The following IGF2R variants were observed in gnomAD, a reference collection of about 807,000 sequenced individuals.
The protein encoded by IGF2R is insulin like growth factor 2 receptor.
Under a neutral mutation model 270.6 loss-of-function variants are expected in IGF2R, and 91 were observed. That is an observed-to-expected ratio of 0.34 (90% CI 0.28 to 0.40). The LOEUF is 0.40. IGF2R is among the 10% of genes least tolerant of loss of function. The pLI, the probability that IGF2R is intolerant of heterozygous loss-of-function variation, is 1.00. For synonymous variants in IGF2R, 1,316 were observed against 1,258.9 expected (o/e 1.05, Z -0.96); for missense variants, 2,805 against 3,188.3 (o/e 0.88, Z 2.90).
At chr6:160,017,717 A>G (rs1777338881) in intron 4 of IGF2R, among the ~76,000 whole-genome samples, 2 of 151,712 alleles carry the variant, frequency 1.3e-5, no homozygotes, top group African/African-American at 4.8e-5. Flanking sequence ...GTGCTTAAGG[A>G]AAAAAAATCT....
At chr6:160,001,279 G>A (rs1004025513) in intron 2 of IGF2R, among the ~76,000 whole-genome samples, 1 of 152,034 alleles carries the variant, frequency 6.6e-6, no homozygotes, top group East Asian at 1.9e-4. Flanking sequence ...ATTGTGAACT[G>A]CACATGCAAG....
At chr6:160,034,607 G>A in intron 10 of IGF2R, 85 bp downstream of exon 10, 1 of 889,076 alleles carries the variant, frequency 1.1e-6, no homozygotes, top group Admixed American at 1.8e-5. Context: ...TCTTGGAAGT[G>A]AACACTGAAT....
chr6:160,010,817 G>A, intron 4 of IGF2R, 32 bp downstream of exon 4: 1 of 1,236,900 alleles, frequency 8.1e-7, no homozygotes, highest in Non-Finnish European at 1.2e-6. Context: ...ACATGCTTAT[G>A]AAGTATACTC....
rs1339237700 is a variant in IGF2R at position 160,108,998 on chromosome 6, A to T, written c.*3914A>T. On this transcript the variant is annotated 3_prime_UTR_variant, in exon 48 of 48. Transcript: ENST00000356956. ...GCCCAGCCAGGTCTTTTTCTTAAAG[A>T]GGGACAGACTGAAGGTAGGCTGTGA... The T allele has an allele frequency of 6.6e-6, 1 of 152,258 alleles. No individual in the cohort carries two copies. Among genetic ancestry groups the T allele is most frequent in the Non-Finnish European group, 1.5e-5 (1 of 68,066 alleles). The allele number at this position is 152,258 out of a possible 1,614,324, so 9.4% of individuals were successfully genotyped here.
At chr6:160,070,466 C>T (rs1778694337) in intron 31 of IGF2R, among the ~76,000 whole-genome samples, 1 of 152,212 alleles carries the variant, frequency 6.6e-6, no homozygotes, top group Non-Finnish European at 1.5e-5. Flanking sequence ...CTCAGGTAGT[C>T]TGCCCTGCTC....
At chr6:160,052,966 A>T (rs1426643543) in intron 19 of IGF2R, among the ~76,000 whole-genome samples, 1 of 152,226 alleles carries the variant, frequency 6.6e-6, no homozygotes, top group Non-Finnish European at 1.5e-5. Flanking sequence ...TTAGACCTAA[A>T]ACCATAAAAA....
rs767397262 is a variant in IGF2R at position 160,047,873 on chromosome 6, G to C, written c.2311G>C (p.Asp771His). The change falls in exon 17 of 48, where the codon GAC (aspartate) becomes CAC (histidine). Residue 771 changes from aspartate (D) to histidine (H), a missense_variant. By Grantham distance (81) the Asp-to-His change is moderately conservative (BLOSUM62 -1). Transcript: ENST00000356956. Reference protein sequence around the residue: ...PEEPLECVVTDPSTLEQYDLS... With the variant: ...PEEPLECVVTHPSTLEQYDLS... ...GGAGCCCCTGGAATGCGTAGTGACC[G>C]ACCCCTCCACGCTGGAGCAGTACGA... 1.2e-6 allele frequency: 2 copies of C among 1,613,656 alleles called. No homozygotes were observed. Among genetic ancestry groups the C allele is most frequent in the East Asian group, 4.5e-5 (2 of 44,884 alleles).
chr6:160,039,839 A>T (rs1206583569), intron 10 of IGF2R, among the ~76,000 whole-genome samples: 2 of 152,048 alleles, frequency 1.3e-5, no homozygotes, highest in Non-Finnish European at 2.9e-5. Flanking sequence ...GCCTGTGAAG[A>T]GCTGGTTTTC....
At chr6:159,975,701 T>TAA (rs1554234056) in intron 1 of IGF2R, among the ~76,000 whole-genome samples, 4 of 146,648 alleles carry the variant, frequency 2.7e-5, no homozygotes, top group East Asian at 2.0e-4. Context: ...TATATATATA[T>TAA]AAAGTATATG....
chr6:159,971,963 C>T (rs1308012619), intron 1 of IGF2R, among the ~76,000 whole-genome samples: 1 of 152,154 alleles, frequency 6.6e-6, no homozygotes, highest in Non-Finnish European at 1.5e-5. Context: ...GGTTTATGTT[C>T]CTGTTTTAAA....
At position 160,089,150 on chromosome 6, in the gene IGF2R, C is replaced by A; in HGVS notation, c.6364C>A (p.Arg2122=). 1 of 1,614,080 alleles carries A rather than the reference C, an allele frequency of 6.2e-7. No homozygotes were observed. The highest frequency in any genetic ancestry group is 8.5e-7 in the Non-Finnish European group (1 of 1,179,964). ...SCTYYFSWDS[R]AACAVKPQEV... ...CACTTACTACTTCAGCTGGGACTCC[C>A]GGGCTGCCTGCGCCGTGAAGCCTCA... Residue 2122 remains arginine (R), a synonymous_variant, in exon 43 of 48, where the codon CGG becomes AGG. Transcript: ENST00000356956.
intron 4 of IGF2R, among the ~76,000 whole-genome samples, chr6:160,022,430 G>C (rs1562346556): frequency 6.6e-6 from 1 of 152,082 alleles, no homozygotes; most frequent in Non-Finnish European, 1.5e-5. Flanking sequence ...TAAAGCTCAG[G>C]GTCTTGCCAA....
At chr6:160,101,621 G>A (rs1779487341) in intron 45 of IGF2R, among the ~76,000 whole-genome samples, 1 of 152,236 alleles carries the variant, frequency 6.6e-6, no homozygotes, top group East Asian at 1.9e-4. Flanking sequence ...CGCTGGGGTT[G>A]CCTCTTATCA....
intron 1 of IGF2R, among the ~76,000 whole-genome samples, chr6:159,987,711 C>G (rs1038278016): frequency 4.6e-5 from 7 of 152,184 alleles, no homozygotes; most frequent in Non-Finnish European, 8.8e-5. Context: ...TTAAAGGAGA[C>G]ATAATGTCCG....
At position 160,105,247 on chromosome 6, in the gene IGF2R, C is replaced by A; in HGVS notation, c.*163C>A. 1.6e-6 allele frequency: 1 copy of A among 609,122 alleles called. No individual in the cohort carries two copies. Among genetic ancestry groups the A allele is most frequent in the Non-Finnish European group, 2.9e-6 (1 of 350,616 alleles). 37.7% of individuals were successfully genotyped at this position (609,122 alleles called of 1,614,324 possible). The stretch of plus-strand genomic sequence containing the variant: ...GGAGAGGGTGAAGGAGGTCAGGCCC[C>A]ACTCCTTCCTGATTGTTTACAGTCA... On this transcript the variant is annotated 3_prime_UTR_variant, in exon 48 of 48. Transcript: ENST00000356956.
At chr6:160,071,698 C>T (rs919579600) in intron 31 of IGF2R, among the ~76,000 whole-genome samples, 1 of 152,282 alleles carries the variant, frequency 6.6e-6, no homozygotes, top group South Asian at 2.1e-4. Flanking sequence ...GTGGGTGTTT[C>T]ACTTACCTGC....
At position 160,107,867 on chromosome 6, in the gene IGF2R, T is replaced by C. The variant is rs1346522510; in HGVS notation, c.*2783T>C. 2 of 152,202 alleles carry C rather than the reference T, an allele frequency of 1.3e-5. No homozygotes were observed. The highest frequency in any genetic ancestry group is 2.9e-5 in the Non-Finnish European group (2 of 68,040). 9.4% of individuals were successfully genotyped at this position (152,202 alleles called of 1,614,324 possible). A position where few individuals can be genotyped will look rare whatever the true frequency, so the allele number is the denominator to read the frequency against. On this transcript the variant is annotated 3_prime_UTR_variant, in exon 48 of 48. Transcript: ENST00000356956. ...TTAGAACTTACAGGACAAAGAACTCTTTTTCCCTGAATCATTTGAGATGAA... is the reference window on the plus strand; with the variant it reads ...TTAGAACTTACAGGACAAAGAACTCCTTTTCCCTGAATCATTTGAGATGAA...
intron 2 of IGF2R, among the ~76,000 whole-genome samples, chr6:159,994,377 T>G (rs1784021657): frequency 6.6e-6 from 1 of 152,106 alleles, no homozygotes; most frequent in Non-Finnish European, 1.5e-5. Flanking sequence ...CCATTGATTA[T>G]GTTCATCTTT....
chr6:159,991,832 G>C (rs8191708), intron 2 of IGF2R, among the ~76,000 whole-genome samples: 1 of 152,196 alleles, frequency 6.6e-6, no homozygotes, highest in Non-Finnish European at 1.5e-5. Flanking sequence ...AGAGAAAGAG[G>C]TGCAGCCCCT....
Sources: gnomAD v4.1 joint callset for allele counts (sites outside exome capture counted in the v4.1 genomes callset) on GRCh38, gnomAD v4.1.1 for gene constraint, MANE v1.5 for transcripts, NCBI Gene and HGNC (gene_info 2026-07-23, HGNC 2026-07-21) for gene names.